Variants in SLC35E4 observed in about 807,000 individuals in gnomAD.
SLC35E4 encodes the protein solute carrier family 35, member E4.
In SLC35E4, 15 loss-of-function variants were observed where a neutral mutation model predicts 19.3. That is an observed-to-expected ratio of 0.78 (90% CI 0.52 to 1.20). The LOEUF is 1.20. Among genes scored for constraint, SLC35E4 ranks in the 50% most tolerant of loss-of-function variants. The probability of loss-of-function intolerance (pLI) is 0.00; values close to 1 mark genes in which losing one functional copy is unlikely to be tolerated. For missense variants in SLC35E4, 406 were observed against 472.3 expected (o/e 0.86, Z 1.30); for synonymous variants, 219 against 219.9 (o/e 1.00, Z 0.04).
Position 30,636,690 on chromosome 22 carries a change from G to A in SLC35E4, c.240G>A (p.Leu80=). ...IFTVHGFGRP[L]LLSALHMLVA... is the part of the protein sequence containing the mutation. ...CAGTGCACGGCTTTGGGCGGCCCCT[G>A]CTGCTGTCGGCCCTGCACATGCTGG... Residue 80 remains leucine, a synonymous_variant, in exon 1 of 2, where the codon CTG becomes CTA. Transcript: ENST00000343605. The A allele has an allele frequency of 6.2e-7, 1 of 1,611,774 alleles. No homozygotes were observed. Among genetic ancestry groups the A allele is most frequent in the Non-Finnish European group, 8.5e-7 (1 of 1,178,950 alleles).
At chr22:30,668,230 A>T (rs1272714627), downstream of SLC35E4, 1 of 153,240 alleles carries the variant, frequency 6.5e-6, no homozygotes, top group East Asian at 1.9e-4. Flanking sequence ...GGCCGCCGCT[A>T]AGTAATCGGC....
downstream of SLC35E4, among the ~76,000 whole-genome samples, chr22:30,650,828 C>G (rs1294184358): frequency 1.3e-5 from 2 of 152,182 alleles, no homozygotes; most frequent in African/African-American, 4.8e-5. Flanking sequence ...AGCGTGGATG[C>G]CAAGCCTCCA....
chr22:30,640,980 C>T (rs975406831), intron 1 of SLC35E4, among the ~76,000 whole-genome samples: 1 of 152,172 alleles, frequency 6.6e-6, no homozygotes, highest in Non-Finnish European at 1.5e-5. Context: ...TATCTCTATC[C>T]TCCCTGGCTC....
intron 2 of SLC35E4, among the ~76,000 whole-genome samples, chr22:30,659,891 A>C (rs1265442873): frequency 1.3e-5 from 2 of 152,230 alleles, no homozygotes; most frequent in Admixed American, 6.5e-5. Flanking sequence ...AAAAGTTAGA[A>C]GTATTTAAAG....
chr22:30,662,298 T>C (rs2088499742), exon 3 of SLC35E4: 1 of 152,192 alleles, frequency 6.6e-6, no homozygotes, highest in African/African-American at 2.4e-5. Context: ...ATGAGGACAC[T>C]GATGCTCCCA....
chr22:30,657,895 C>G (rs897847937), intron 2 of SLC35E4, among the ~76,000 whole-genome samples: 1 of 142,674 alleles, frequency 7.0e-6, no homozygotes, highest in African/African-American at 2.6e-5. Context: ...CAGTGCAAGA[C>G]TCTGTCTCAA....
At chr22:30,663,836 T>C (rs560289108), downstream of SLC35E4, 1 of 1,614,226 alleles carries the variant, frequency 6.2e-7, no homozygotes. Flanking sequence ...AGGTGTTCAC[T>C]ACCTCCACTG....
intron 1 of SLC35E4, among the ~76,000 whole-genome samples, chr22:30,643,007 G>A (rs2088071251): frequency 6.6e-6 from 1 of 151,252 alleles, no homozygotes; most frequent in Non-Finnish European, 1.5e-5. Context: ...TCCAGCCTGG[G>A]CGACAGAGTG....
chr22:30,636,079 A>C lies in SLC35E4; in HGVS notation c.-372A>C. 5.4e-6 allele frequency: 1 copy of C among 185,594 alleles called. No homozygotes were observed. The highest frequency in any genetic ancestry group is 1.1e-5 in the Non-Finnish European group (1 of 89,464). 11.5% of individuals were successfully genotyped at this position (185,594 alleles called of 1,614,324 possible). A position where few individuals can be genotyped will look rare whatever the true frequency, so the allele number is the denominator to read the frequency against. ...CAGGGTCTGGATCTGCGCGCACCCTAATGACCTGGGGACTGAAGAGAAAAA... is the reference window on the plus strand; with the variant it reads ...CAGGGTCTGGATCTGCGCGCACCCTCATGACCTGGGGACTGAAGAGAAAAA... On this transcript the variant is annotated 5_prime_UTR_variant, in exon 1 of 2. Transcript: ENST00000343605.
At chr22:30,640,369 CAA>C (rs34746167) in intron 1 of SLC35E4, among the ~76,000 whole-genome samples, 126 of 115,382 alleles carry the variant, frequency 1.1e-3, no homozygotes, top group Non-Finnish European at 1.2e-3. Context: ...GACTCCATCT[CAA>C]AAAAAAAAAA....
chr22:30,649,485 C>T (rs990430086), downstream of SLC35E4, among the ~76,000 whole-genome samples: 2 of 128,882 alleles, frequency 1.6e-5, no homozygotes, highest in South Asian at 2.4e-4. Flanking sequence ...GGCCAGCCCA[C>T]GGCGGGGTGG....
intron 1 of SLC35E4, 77 bp from the exon 2 acceptor site, chr22:30,646,521 C>G (rs1489770585): frequency 1.3e-6 from 2 of 1,488,492 alleles, no homozygotes; most frequent in Admixed American, 2.1e-5. Context: ...CTTGGAGGAT[C>G]GGCCATAGGG....
At chr22:30,653,374 CTT>C (rs892435016) in intron 2 of SLC35E4, among the ~76,000 whole-genome samples, 28 of 142,470 alleles carry the variant, frequency 2.0e-4, no homozygotes, top group Non-Finnish European at 2.2e-4. Flanking sequence ...CTTCCTCCTT[CTT>C]TTTTTTTTTT....
At chr22:30,644,418 G>T (rs16988925) in intron 1 of SLC35E4, among the ~76,000 whole-genome samples, 6,376 of 152,216 alleles carry the variant, frequency 0.042, 226 homozygotes, top group African/African-American at 0.1. Flanking sequence ...CTTGGCAAAG[G>T]CCCCATGCCA....
chr22:30,654,601 G>T, intron 2 of SLC35E4: 1 of 465,132 alleles, frequency 2.1e-6, no homozygotes, highest in Non-Finnish European at 4.3e-6. Flanking sequence ...AGTGGTGGGG[G>T]CCCAGAAGTG....
chr22:30,657,295 ACACACAC>A (rs761537793), intron 2 of SLC35E4, among the ~76,000 whole-genome samples: 9 of 151,020 alleles, frequency 6.0e-5, no homozygotes, highest in East Asian at 3.9e-4. Context: ...ACACACACAC[ACACACAC>A]ACACAAATTA....
chr22:30,666,395 C>T (rs1418991873), downstream of SLC35E4, among the ~76,000 whole-genome samples: 3 of 152,052 alleles, frequency 2.0e-5, no homozygotes, highest in African/African-American at 7.2e-5. Context: ...CCGAGGCGGG[C>T]AGATCACCTG....
chr22:30,655,934 AC>A (rs543866000), intron 2 of SLC35E4, among the ~76,000 whole-genome samples: 1,564 of 145,618 alleles, frequency 0.011, 30 homozygotes, highest in African/African-American at 0.04. Flanking sequence ...GATTCTTAGG[AC>A]TTTTTTTTTT....
At chr22:30,648,718 G>A (rs370950024), downstream of SLC35E4, among the ~76,000 whole-genome samples, 2 of 152,094 alleles carry the variant, frequency 1.3e-5, no homozygotes, top group African/African-American at 4.8e-5. Flanking sequence ...CAACAAGACC[G>A]AAACTCCATC....
Sources: gnomAD v4.1 joint callset for allele counts (sites outside exome capture counted in the v4.1 genomes callset) on GRCh38, gnomAD v4.1.1 for gene constraint, MANE v1.5 for transcripts, NCBI Gene and HGNC (gene_info 2026-07-23, HGNC 2026-07-21) for gene names.